NPAS2: variants seen among roughly 807,000 people sequenced by gnomAD.
NPAS2 encodes neuronal PAS domain-containing protein 2.
A neutral mutation model predicts 107.5 loss-of-function variants in NPAS2; 23 were observed. That is an observed-to-expected ratio of 0.21 (90% CI 0.15 to 0.30). NPAS2 has a LOEUF of 0.30. Ranked by LOEUF, NPAS2 falls within the 10% of genes least tolerant of loss-of-function variation. The probability of loss-of-function intolerance (pLI) is 1.00; values close to 1 mark genes in which losing one functional copy is unlikely to be tolerated. For synonymous variants in NPAS2, 403 were observed against 417.5 expected, an observed-to-expected ratio of 0.97 and a Z score of 0.42; for missense variants, 756 against 1,043.3, an observed-to-expected ratio of 0.72 and a Z score of 3.79.
rs142258912 is a variant in NPAS2 at position 100,917,304 on chromosome 2, A to T, written c.33-7842A>T. On this transcript the variant is annotated intron_variant, in intron 2 of 20. Transcript: ENST00000335681. ...CAGGTTGAGAGGCCAAGGTAAGGGG[A>T]TCATTTGAGGTCAGGAGTTCAAGAC... Among the ~76,000 whole-genome samples, 9 of 152,272 alleles carry T rather than the reference A, an allele frequency of 5.9e-5. No individual in the cohort carries two copies. The East Asian group carries it at 1.7e-3, about 29-fold the overall frequency.
intron 1 of NPAS2, among the ~76,000 whole-genome samples, chr2:100,849,282 T>TA (rs1677994785): frequency 6.6e-6 from 1 of 152,206 alleles, no homozygotes; most frequent in Admixed American, 6.5e-5. Flanking sequence ...GTAATTAAGA[T>TA]ACCCTAAATA....
intron 1 of NPAS2, among the ~76,000 whole-genome samples, chr2:100,877,087 A>C (rs6718451): frequency 0.8 from 121,385 of 152,162 alleles, 48,587 homozygotes; most frequent in African/African-American, 0.84. Flanking sequence ...CCAAGCCACC[A>C]AAGAGAGCTG....
intron 1 of NPAS2, among the ~76,000 whole-genome samples, chr2:100,863,672 A>C (rs969609395): frequency 6.6e-5 from 10 of 152,248 alleles, no homozygotes; most frequent in African/African-American, 2.4e-4. Context: ...AACGAGTTGC[A>C]TCCTTAAATA....
chr2:100,842,995 C>A (rs1677537123), intron 1 of NPAS2, among the ~76,000 whole-genome samples: 1 of 152,012 alleles, frequency 6.6e-6, no homozygotes, highest in Non-Finnish European at 1.5e-5. Flanking sequence ...CTGAGGCAGG[C>A]AGATCATGAG....
intron 1 of NPAS2, among the ~76,000 whole-genome samples, chr2:100,831,599 C>T (rs544047527): frequency 6.6e-6 from 1 of 152,272 alleles, no homozygotes; most frequent in South Asian, 2.1e-4. Flanking sequence ...GTGACCTCTC[C>T]AAGGCCTTCT....
chr2:100,886,496 GTGATAGTAGCCAC>G (rs1680709942), intron 1 of NPAS2, among the ~76,000 whole-genome samples: 1 of 151,928 alleles, frequency 6.6e-6, no homozygotes, highest in Non-Finnish European at 1.5e-5. Context: ...TTTTTGCATT[GTGATAGTAGCCAC>G]CACCTGAGCT....
At chr2:100,916,498 C>G (rs1414700627) in intron 2 of NPAS2, among the ~76,000 whole-genome samples, 2 of 152,060 alleles carry the variant, frequency 1.3e-5, no homozygotes, top group African/African-American at 2.4e-5. Flanking sequence ...AAGAAATTTA[C>G]TAGGAATAAA....
intron 4 of NPAS2, 50 bp from the exon 5 acceptor site, chr2:100,937,703 C>T: frequency 1.6e-6 from 2 of 1,284,488 alleles, no homozygotes; most frequent in Non-Finnish European, 2.3e-6. Context: ...GTGACATGCT[C>T]CTCCATAAAC....
chr2:100,846,389 T>C (rs996906247), intron 1 of NPAS2, among the ~76,000 whole-genome samples: 5 of 152,234 alleles, frequency 3.3e-5, no homozygotes, highest in African/African-American at 1.2e-4. Flanking sequence ...ACATCTGTAA[T>C]TTTTGAAGAG....
chr2:100,850,980 A>AAAAAAG (rs55977491), intron 1 of NPAS2, among the ~76,000 whole-genome samples: 1 of 148,840 alleles, frequency 6.7e-6, no homozygotes, highest in Non-Finnish European at 1.5e-5. Context: ...AAAAAAAAAA[A>AAAAAAG]GGAAGGACAT....
At chr2:100,862,854 C>A (rs1679028568) in intron 1 of NPAS2, among the ~76,000 whole-genome samples, 1 of 152,196 alleles carries the variant, frequency 6.6e-6, no homozygotes, top group African/African-American at 2.4e-5. Context: ...CCTCCCCAGA[C>A]CAGACATGGC....
At chr2:100,948,635 A>G (rs576546596) in intron 6 of NPAS2, among the ~76,000 whole-genome samples, 1 of 151,194 alleles carries the variant, frequency 6.6e-6, no homozygotes, top group East Asian at 1.9e-4. Context: ...TTTTTTTTGC[A>G]TGAGAGTCTT....
chr2:100,861,302 G>C (rs929206365), intron 1 of NPAS2, among the ~76,000 whole-genome samples: 2 of 152,130 alleles, frequency 1.3e-5, no homozygotes, highest in African/African-American at 4.8e-5. Context: ...GAGACAAACC[G>C]GGGAGAACAC....
intron 5 of NPAS2, among the ~76,000 whole-genome samples, chr2:100,938,908 T>G (rs919176805): frequency 5.3e-5 from 8 of 152,074 alleles, no homozygotes; most frequent in Admixed American, 5.2e-4. Context: ...CGACCCCTGC[T>G]CATCCATGGA....
At chr2:100,930,318 G>C (rs1315757492) in intron 3 of NPAS2, among the ~76,000 whole-genome samples, 1 of 152,182 alleles carries the variant, frequency 6.6e-6, no homozygotes, top group East Asian at 1.9e-4. Context: ...TATATACCCA[G>C]GACAGCTGTG....
chr2:100,949,383 G>GGGTC lies in NPAS2; in HGVS notation c.501_502insGGTC (p.Phe168GlyfsTer20). On this transcript the variant is annotated frameshift_variant, in exon 7 of 21. Transcript: ENST00000335681. LOFTEE classifies it high-confidence loss of function. ...ACGGCCCAGCTGACAGCGATTTAGA[G>GGGTC]TTTTATTGCCATCTTCTCAGAGGCA... The GGGTC allele has an allele frequency of 6.2e-7, 1 of 1,612,362 alleles. No individual in the cohort carries two copies. Among genetic ancestry groups the GGGTC allele is most frequent in the Non-Finnish European group, 8.5e-7 (1 of 1,178,408 alleles).
Position 100,995,831 on chromosome 2 carries a change from A to G in NPAS2, c.*249A>G, listed in dbSNP as rs1361801853. 1 of 1,536,292 alleles carries G rather than the reference A, an allele frequency of 6.5e-7. No individual in the cohort carries two copies. The highest frequency in any genetic ancestry group is 2.5e-5 in the East Asian group (1 of 39,874). On this transcript the variant is annotated 3_prime_UTR_variant, in exon 21 of 21. Coordinates refer to ENST00000335681, the MANE Select transcript of NPAS2 (RefSeq NM_002518.4). Reference sequence around the variant, plus strand: ...ACACTCTATAGCCATACTGGACAGGAACCAGGTGCCCCGTGTAGGCATCGT... The same window carrying G: ...ACACTCTATAGCCATACTGGACAGGGACCAGGTGCCCCGTGTAGGCATCGT...
At position 100,964,054 on chromosome 2, in the gene NPAS2, C is replaced by G; in HGVS notation, c.599-4C>G. On this transcript the variant is annotated splice_polypyrimidine_tract_variant and splice_region_variant and intron_variant, in intron 7 of 20. Transcript: ENST00000335681. Reference sequence around the variant, plus strand: ...TATGTGTCCTCTTCTTCCCAACCCCCCAGTGCCTAGCCCCTCCTGTAATGG... The same window carrying G: ...TATGTGTCCTCTTCTTCCCAACCCCGCAGTGCCTAGCCCCTCCTGTAATGG... The G allele has an allele frequency of 6.2e-7, 1 of 1,601,396 alleles. No individual in the cohort carries two copies. Among genetic ancestry groups the G allele is most frequent in the Non-Finnish European group, 8.6e-7 (1 of 1,168,324 alleles).
At chr2:100,829,134 A>T (rs551046839) in intron 1 of NPAS2, among the ~76,000 whole-genome samples, 1 of 149,512 alleles carries the variant, frequency 6.7e-6, no homozygotes, top group Non-Finnish European at 1.5e-5. Flanking sequence ...CTGTATTCCT[A>T]TGTATTTTAT....
Sources: allele counts gnomAD v4.1 joint callset (sites outside exome capture counted in the v4.1 genomes callset), GRCh38; gene constraint gnomAD v4.1.1; transcripts MANE v1.5; gene names NCBI Gene and HGNC (gene_info 2026-07-23, HGNC 2026-07-21).